SLIT3: variants seen among roughly 807,000 people sequenced by gnomAD.
SLIT3 encodes slit guidance ligand 3, also known as slit homolog 3 protein.
In SLIT3, 68 loss-of-function variants were observed where a neutral mutation model predicts 184.0. The ratio of observed to expected loss-of-function variants is 0.37; its 90% CI spans 0.30 to 0.45. SLIT3 has a LOEUF of 0.45. SLIT3 is among the 20% of genes least tolerant of loss of function. The pLI, the probability that SLIT3 is intolerant of heterozygous loss-of-function variation, is 1.00. For missense variants in SLIT3, 1,707 were observed against 2,026.0 expected (o/e 0.84, Z 3.02); for synonymous variants, 831 against 828.6 (o/e 1.00, Z -0.05).
chr5:168,943,574 A>G (rs1261687746), intron 4 of SLIT3, among the ~76,000 whole-genome samples: 1 of 152,210 alleles, frequency 6.6e-6, no homozygotes, highest in South Asian at 2.1e-4. Context: ...ATTATCTGTA[A>G]AATCAGTATA....
At chr5:169,101,579 T>C (rs1397248494) in intron 4 of SLIT3, among the ~76,000 whole-genome samples, 1 of 152,134 alleles carries the variant, frequency 6.6e-6, no homozygotes, top group Non-Finnish European at 1.5e-5. Context: ...CTCAATTCAT[T>C]CTCCACAACA....
chr5:169,110,034 CT>C (rs760470999), intron 4 of SLIT3, among the ~76,000 whole-genome samples: 7 of 152,140 alleles, frequency 4.6e-5, no homozygotes, highest in African/African-American at 9.7e-5. Flanking sequence ...GAGCATTACA[CT>C]TGTAGATAGA....
chr5:168,869,818 G>A (rs554448700), intron 5 of SLIT3, among the ~76,000 whole-genome samples: 1 of 152,340 alleles, frequency 6.6e-6, no homozygotes, highest in South Asian at 2.1e-4. Context: ...GGCAGACACA[G>A]TACCCAGGAA....
At chr5:168,820,420 T>C (rs1757489124) in intron 7 of SLIT3, among the ~76,000 whole-genome samples, 1 of 152,240 alleles carries the variant, frequency 6.6e-6, no homozygotes, top group African/African-American at 2.4e-5. Flanking sequence ...CTCAGTGTTA[T>C]CATCTGTCAA....
At position 169,014,964 on chromosome 5, in the gene SLIT3, T is replaced by C. The variant is rs150911863; in HGVS notation, c.414-131628A>G. Among the ~76,000 whole-genome samples, 310 of 151,804 alleles carry C rather than the reference T, an allele frequency of 2.0e-3. 1 individual carries two copies. The highest frequency in any genetic ancestry group is 3.0e-3 in the Non-Finnish European group (205 of 67,898). On this transcript the variant is annotated intron_variant, in intron 4 of 35. Transcript: ENST00000519560. ...AGACTCCATCTCAAAAAAATAAAAA[T>C]AAAAATGCAACCTCAGAAGGTGGCA...
chr5:169,093,558 A>C (rs115340006), intron 4 of SLIT3, among the ~76,000 whole-genome samples: 3,430 of 152,278 alleles, frequency 0.023, 99 homozygotes, highest in Admixed American at 0.08. Flanking sequence ...ATGTTCTCAG[A>C]TTTCTCTGCA....
intron 10 of SLIT3, among the ~76,000 whole-genome samples, chr5:168,794,773 A>C (rs1581090194): frequency 6.6e-6 from 1 of 152,094 alleles, no homozygotes; most frequent in East Asian, 1.9e-4. Flanking sequence ...ACTCTTTGCT[A>C]TTCCACAAAC....
intron 4 of SLIT3, among the ~76,000 whole-genome samples, chr5:168,931,212 G>A (rs575544848): frequency 3.4e-5 from 5 of 145,336 alleles, no homozygotes; most frequent in African/African-American, 1.3e-4. Flanking sequence ...TTGAAAAAGA[G>A]AAAGAACGCA....
chr5:168,891,283 C>T (rs73802444), intron 4 of SLIT3, among the ~76,000 whole-genome samples: 2,612 of 152,226 alleles, frequency 0.017, 82 homozygotes, highest in African/African-American at 0.06. Context: ...CAGGAGAAGG[C>T]TGAAGTGGGG....
chr5:168,933,174 C>T (rs1051646263), intron 4 of SLIT3, among the ~76,000 whole-genome samples: 1 of 152,164 alleles, frequency 6.6e-6, no homozygotes, highest in African/African-American at 2.4e-5. Flanking sequence ...TATTTAATAA[C>T]ATTAGCATAT....
At chr5:169,296,870 C>G (rs1002371101) in intron 1 of SLIT3, among the ~76,000 whole-genome samples, 2 of 152,244 alleles carry the variant, frequency 1.3e-5, no homozygotes, top group African/African-American at 2.4e-5. Flanking sequence ...CTCTTGCCCC[C>G]ACTCCACCGT....
intron 3 of SLIT3, among the ~76,000 whole-genome samples, chr5:169,207,275 C>T (rs1308218221): frequency 6.6e-6 from 1 of 151,742 alleles, no homozygotes; most frequent in African/African-American, 2.4e-5. Context: ...AAATGAATGG[C>T]CCAATTCGTG....
At chr5:168,764,916 G>A (rs769301121) in intron 14 of SLIT3, among the ~76,000 whole-genome samples, 6 of 152,114 alleles carry the variant, frequency 3.9e-5, no homozygotes, top group Non-Finnish European at 5.9e-5. Flanking sequence ...ACCCATCAGC[G>A]TGCCGAGTCC....
chr5:168,756,547 A>G (rs1754954389), intron 16 of SLIT3, among the ~76,000 whole-genome samples: 1 of 152,210 alleles, frequency 6.6e-6, no homozygotes, highest in African/African-American at 2.4e-5. Context: ...GGTCTGAGAC[A>G]GTCAGCAGAC....
intron 4 of SLIT3, among the ~76,000 whole-genome samples, chr5:168,989,534 A>T (rs1331229001): frequency 1.3e-5 from 2 of 152,220 alleles, no homozygotes; most frequent in Non-Finnish European, 2.9e-5. Context: ...TCCAGCTAAC[A>T]TCTCTGCATC....
At chr5:169,229,886 AAG>A (rs1317115866) in intron 3 of SLIT3, among the ~76,000 whole-genome samples, 2 of 152,190 alleles carry the variant, frequency 1.3e-5, no homozygotes, top group East Asian at 1.9e-4. Context: ...GGGAAGGAGT[AAG>A]AGAAGGTGAG....
At chr5:168,804,740 G>C (rs527911232) in intron 9 of SLIT3, among the ~76,000 whole-genome samples, 10 of 152,218 alleles carry the variant, frequency 6.6e-5, no homozygotes, top group Admixed American at 6.5e-4. Flanking sequence ...AGCTGGCAAA[G>C]TAGGTGAAGA....
chr5:169,242,212 T>C (rs1765426792), intron 3 of SLIT3, among the ~76,000 whole-genome samples: 1 of 152,230 alleles, frequency 6.6e-6, no homozygotes, highest in Non-Finnish European at 1.5e-5. Context: ...ACATCCCTTC[T>C]TGCTAACACT....
intron 9 of SLIT3, among the ~76,000 whole-genome samples, chr5:168,796,977 T>A (rs1369493058): frequency 6.6e-6 from 1 of 151,630 alleles, no homozygotes; most frequent in Non-Finnish European, 1.5e-5. Context: ...TCAGGACATA[T>A]CATTCTTGGC....
Sources: gnomAD v4.1 joint callset for allele counts (sites outside exome capture counted in the v4.1 genomes callset) on GRCh38, gnomAD v4.1.1 for gene constraint, MANE v1.5 for transcripts, NCBI Gene and HGNC (gene_info 2026-07-23, HGNC 2026-07-21) for gene names.